The following HTT variants were observed in gnomAD, a reference collection of about 807,000 sequenced individuals.
The protein encoded by HTT is huntingtin, also known as huntington disease protein.
A neutral mutation model predicts 362.3 loss-of-function variants in HTT; 104 were observed. The ratio of observed to expected loss-of-function variants is 0.29; its 90% confidence interval spans 0.24 to 0.34. The LOEUF is 0.34. HTT is among the 10% of genes least tolerant of loss of function. HTT has a pLI of 1.00. For synonymous variants in HTT, 1,577 were observed against 1,548.7 expected (o/e 1.02, Z -0.43); for missense variants, 3,301 against 3,928.6 (o/e 0.84, Z 4.27).
rs1716199531 is a variant in HTT, at chr4:3,138,689, C to G, written c.2799-1821C>G. Among the ~76,000 whole-genome samples the G allele has an allele frequency of 2.0e-5, 3 of 152,192 alleles. No individual in the cohort carries two copies. The South Asian group carries it at 6.2e-4, about 32-fold the overall frequency. On this transcript the variant is annotated intron_variant, in intron 21 of 66. Transcript: ENST00000355072. ...AGTGTGGTGGTGCGATCTCGGCTCA[C>G]TGCAGTCTCTGCCTCCCAGGTTCAA...
At chr4:3,199,476 TTTGCAGTGAGCCAAGA>T (rs1306245898) in intron 40 of HTT, among the ~76,000 whole-genome samples, 3 of 151,098 alleles carry the variant, frequency 2.0e-5, no homozygotes, top group Non-Finnish European at 4.4e-5. Flanking sequence ...GAAGGTGGAG[TTTGCAGTGAGCCAAGA>T]TTGCGCCACT....
intron 60 of HTT, among the ~76,000 whole-genome samples, chr4:3,230,532 A>G (rs1721201613): frequency 2.0e-5 from 3 of 152,114 alleles, no homozygotes; most frequent in African/African-American, 7.2e-5. Flanking sequence ...TCTGGGTGCT[A>G]TAGTCTCTTT....
At chr4:3,081,891 T>G (rs1712930769) in intron 1 of HTT, among the ~76,000 whole-genome samples, 2 of 151,992 alleles carry the variant, frequency 1.3e-5, no homozygotes, top group African/African-American at 4.8e-5. Context: ...TTTTTGTTTT[T>G]TTTTTAAACT....
chr4:3,167,064 C>T (rs1717752570), intron 29 of HTT, among the ~76,000 whole-genome samples: 1 of 152,230 alleles, frequency 6.6e-6, no homozygotes, highest in Non-Finnish European at 1.5e-5. Context: ...CCTATTCGGC[C>T]ATTTTGGAAG....
chr4:3,155,940 G>T (rs1276939759), intron 27 of HTT, among the ~76,000 whole-genome samples: 5 of 151,598 alleles, frequency 3.3e-5, no homozygotes, highest in Non-Finnish European at 7.4e-5. Context: ...ATTGTGGAAT[G>T]GCTAATTAAC....
At chr4:3,075,295 T>C (rs1712460222) in intron 1 of HTT, among the ~76,000 whole-genome samples, 1 of 152,184 alleles carries the variant, frequency 6.6e-6, no homozygotes, top group Non-Finnish European at 1.5e-5. Flanking sequence ...CTCACTTGGG[T>C]CTTCCCTTGT....
intron 33 of HTT, among the ~76,000 whole-genome samples, chr4:3,177,088 G>A (rs2110236798): frequency 6.6e-6 from 1 of 152,276 alleles, no homozygotes; most frequent in African/African-American, 2.4e-5. Flanking sequence ...GATGTCTCTT[G>A]GAATTTATTA....
At position 3,228,683 on chromosome 4, in the gene HTT, AGAG is replaced by A. The variant is rs149109767; in HGVS notation, c.7928_7930del (p.Glu2643del). The A allele has an allele frequency of 0.066, 105,647 of 1,610,112 alleles. 4,127 individuals are homozygous for A. Among genetic ancestry groups the A allele is most frequent in the Admixed American group, 0.12 (7,166 of 59,352 alleles). On this transcript the variant is annotated inframe_deletion, in exon 58 of 67. Coordinates refer to ENST00000355072, the MANE Select transcript of HTT (RefSeq NM_001388492.1). The surrounding 1 kb of genome is among the most constrained non-coding windows in gnomAD (Gnocchi z 4.3). ...TGAGGGAGGAGGAATGGGACGAGGA[AGAG>A]GAGGAGGAGGCCGACGCCCCTGCAC...
chr4:3,157,290 A>G (rs192982331), intron 28 of HTT, 91 bp downstream of exon 28: 16 of 1,242,928 alleles, frequency 1.3e-5, no homozygotes, highest in Middle Eastern at 1.9e-4. Context: ...TGTAGGATGT[A>G]TAAGCCCTTT....
intron 12 of HTT, among the ~76,000 whole-genome samples, chr4:3,127,886 C>T (rs890557280): frequency 1.3e-5 from 2 of 151,870 alleles, no homozygotes; most frequent in African/African-American, 4.8e-5. Context: ...ATTGCTTGAG[C>T]CTGGGAGGCA....
intron 4 of HTT, among the ~76,000 whole-genome samples, chr4:3,104,246 G>A (rs1462585080): frequency 1.3e-5 from 2 of 151,800 alleles, no homozygotes; most frequent in African/African-American, 4.8e-5. Context: ...TGATCCGCCC[G>A]CCTCGGCCTC....
intron 29 of HTT, among the ~76,000 whole-genome samples, chr4:3,166,878 C>T (rs536528331): frequency 2.7e-4 from 41 of 152,338 alleles, no homozygotes; most frequent in African/African-American, 6.3e-4. Context: ...GGAAGTCCCC[C>T]GACCCCTTGT....
At chr4:3,148,311 T>A in intron 26 of HTT, 104 bp downstream of exon 26, 1 of 860,504 alleles carries the variant, frequency 1.2e-6, no homozygotes, top group Non-Finnish European at 1.8e-6. Flanking sequence ...CTTTTTGCTT[T>A]AAATGAACAA....
chr4:3,240,245 A>G lies in HTT; in HGVS notation c.*186A>G. 3 of 614,474 alleles carry G rather than the reference A, an allele frequency of 4.9e-6. No homozygotes were observed. 38.1% of individuals were successfully genotyped at this position (614,474 alleles called of 1,614,324 possible). A position where few individuals can be genotyped will look rare whatever the true frequency, so the allele number is the denominator to read the frequency against. ...GTGCTCTTTGTGGCAGTGGCCAGGC[A>G]GGGAGTGTCTGCAGTCCTGGTGGGG... On this transcript the variant is annotated 3_prime_UTR_variant, in exon 67 of 67. Coordinates refer to ENST00000355072, the MANE Select transcript of HTT (RefSeq NM_001388492.1).
chr4:3,228,915 C>T lies in HTT; in HGVS notation c.8015C>T (p.Ser2672Leu), dbSNP rs202216456. 7.8e-5 allele frequency: 126 copies of T among 1,613,802 alleles called. 1 individual carries two copies. The highest frequency in any genetic ancestry group is 9.8e-5 in the Non-Finnish European group (116 of 1,179,816). ...HRAGVDIHSCSQFLLELYSRW... is the reference protein window; with the variant it reads ...HRAGVDIHSCLQFLLELYSRW... ...GCTGGAGTTGACATCCACTCCTGTT[C>T]GCAGTTTTTGCTTGAGTTGTACAGC... The change falls in exon 59 of 67, where the codon TCG (serine) becomes TTG (leucine). Residue 2672 changes from serine (S) to leucine (L), a missense_variant. Physicochemically the swap from Ser to Leu is moderately radical, Grantham distance 145. This residue lies in a region of HTT where 753 missense variants were observed against 1,021.3 expected (regional missense o/e 0.74). Transcript: ENST00000355072. This position sits in a 1 kb window ranked among gnomAD's most constrained non-coding sequence, Gnocchi z 4.3.
rs1241340213 is a variant in HTT at position 3,186,839 on chromosome 4, T to C, written c.4989+120T>C. 22 of 105,838 alleles carry C rather than the reference T, an allele frequency of 2.1e-4. 1 individual carries two copies. The South Asian group carries it at 3.8e-3, about 18-fold the overall frequency. 6.6% of individuals were successfully genotyped at this position (105,838 alleles called of 1,614,324 possible). ...TGGGTAGGGCTTCTTGAGAGTTTGCTTTTTTTTTTTTTTTTTTTTTTGGTG... is the reference window on the plus strand; with the variant it reads ...TGGGTAGGGCTTCTTGAGAGTTTGCCTTTTTTTTTTTTTTTTTTTTTGGTG... On this transcript the variant is annotated intron_variant, in intron 38 of 66. Coordinates refer to ENST00000355072, the MANE Select transcript of HTT (RefSeq NM_001388492.1).
chr4:3,115,695 CTCTG>C (rs1578510712), intron 7 of HTT, among the ~76,000 whole-genome samples: 1 of 152,290 alleles, frequency 6.6e-6, no homozygotes, highest in South Asian at 2.1e-4. Context: ...GGGCCTGGCC[CTCTG>C]TCTGTGTCGG....
chr4:3,242,359 A>G lies in HTT; in HGVS notation c.*2300A>G, dbSNP rs1408929181. 6.6e-6 allele frequency: 1 copy of G among 152,256 alleles called. No homozygotes were observed. Among genetic ancestry groups the G allele is most frequent in the African/African-American group, 2.4e-5 (1 of 41,462 alleles). The allele number at this position is 152,256 out of a possible 1,614,324, so 9.4% of individuals were successfully genotyped here. ...CGGAGATGAATATGAGCTCATTAGT[A>G]AAAATGACTTCACCCACGCATATAC... On this transcript the variant is annotated 3_prime_UTR_variant, in exon 67 of 67. Transcript: ENST00000355072.
At chr4:3,236,018 G>A (rs1176239766) in intron 63 of HTT, 131 bp from the exon 64 acceptor site, 62 of 776,240 alleles carry the variant, frequency 8.0e-5, no homozygotes, top group Non-Finnish European at 6.5e-5. Context: ...TGGGTCCTGG[G>A]CAAGCAAGGG....
Sources: allele counts gnomAD v4.1 joint callset (sites outside exome capture counted in the v4.1 genomes callset), GRCh38; gene constraint gnomAD v4.1.1; regional missense constraint gnomAD v4.1.1; non-coding constraint Gnocchi (gnomAD v3.1); transcripts MANE v1.5; gene names NCBI Gene and HGNC (gene_info 2026-07-23, HGNC 2026-07-21).